FOXK1: variants seen among roughly 807,000 people sequenced by gnomAD.
The protein encoded by FOXK1 is forkhead box protein K1.
FOXK1 carries 19 observed loss-of-function variants against 51.9 expected under a neutral mutation model. The observed-to-expected ratio is 0.37, with a 90% CI of 0.26 to 0.54. FOXK1 has a LOEUF of 0.54. Among genes scored for constraint, FOXK1 ranks in the 20% least tolerant of loss-of-function variants. FOXK1 has a pLI of 0.87. For synonymous variants in FOXK1, 537 were observed against 482.6 expected (o/e 1.11, Z -1.48); for missense variants, 870 against 1,032.7 (o/e 0.84, Z 2.16).
At chr7:4,754,771 C>G in intron 3 of FOXK1, 156 bp downstream of exon 3, 1 of 980,180 alleles carries the variant, frequency 1.0e-6, no homozygotes, top group Non-Finnish European at 1.5e-6. Context: ...GTAGAGCCGT[C>G]GGCCCTTTCT....
rs1414702111 is a variant in FOXK1 at position 4,756,621 on chromosome 7, C to A, written c.1051-373C>A. Among the ~76,000 whole-genome samples, 1 of 151,804 alleles carries A rather than the reference C, an allele frequency of 6.6e-6. No individual in the cohort carries two copies. The highest frequency in any genetic ancestry group is 2.4e-5 in the African/African-American group (1 of 41,350). On this transcript the variant is annotated intron_variant, in intron 4 of 8. Coordinates refer to ENST00000328914, the MANE Select transcript of FOXK1 (RefSeq NM_001037165.2). This position sits in a 1 kb window ranked among gnomAD's most constrained non-coding sequence, Gnocchi z 4.1. ...CAACTAAAAATACAAAAAAATCAAC[C>A]CAGCATGGTGGCCCACGCCCATAGT...
rs1421445485 is a variant in FOXK1 at position 4,762,647 on chromosome 7, A to G, written c.*183A>G. ...CGCCTGCCTTCCCGTGGTTTAAGAC[A>G]AAAACACATAAACAAGTTCAGACAA... On this transcript the variant is annotated 3_prime_UTR_variant, in exon 9 of 9. Coordinates refer to ENST00000328914, the MANE Select transcript of FOXK1 (RefSeq NM_001037165.2). This position sits in a 1 kb window ranked among gnomAD's most constrained non-coding sequence, Gnocchi z 5.7. 4 of 600,846 alleles carry G rather than the reference A, an allele frequency of 6.7e-6. No individual in the cohort carries two copies. Among genetic ancestry groups the G allele is most frequent in the Non-Finnish European group, 1.2e-5 (4 of 341,108 alleles). The allele number at this position is 600,846 out of a possible 1,614,324, so 37.2% of individuals were successfully genotyped here. A position where few individuals can be genotyped will look rare whatever the true frequency, so the allele number is the denominator to read the frequency against.
chr7:4,698,600 C>T (rs914447396), intron 1 of FOXK1, among the ~76,000 whole-genome samples: 1 of 152,032 alleles, frequency 6.6e-6, no homozygotes, highest in Non-Finnish European at 1.5e-5. Context: ...CCACCCAGGC[C>T]GGAGTACAGT....
rs1360981803 is a variant in FOXK1, at chr7:4,766,635, G to A, written c.*4171G>A. The stretch of plus-strand genomic sequence containing the variant: ...GCAGGGAGGAGATGGATTCGGTGGA[G>A]TTGGGCCAGGACGGGGGCTTCACCC... On this transcript the variant is annotated 3_prime_UTR_variant, in exon 9 of 9. Transcript: ENST00000328914. The surrounding 1 kb of genome is among the most constrained non-coding windows in gnomAD (Gnocchi z 5.5). 6.6e-6 allele frequency: 1 copy of A among 152,338 alleles called. No individual in the cohort carries two copies. The highest frequency in any genetic ancestry group is 1.5e-5 in the Non-Finnish European group (1 of 68,118). 9.4% of individuals were successfully genotyped at this position (152,338 alleles called of 1,614,324 possible).
Position 4,759,180 on chromosome 7 carries a change from T to C in FOXK1, c.1374T>C (p.Ala458=), listed in dbSNP as rs778245830. The change falls in exon 6 of 9, where the codon GCT becomes GCC. Residue 458 remains alanine (A), a synonymous_variant. Coordinates refer to ENST00000328914, the MANE Select transcript of FOXK1 (RefSeq NM_001037165.2). The part of the protein sequence containing the change: ...PHDPEFGSKL[A]SVPEYRYSQS... Reference sequence around the variant, plus strand: ...ACCCTGAGTTTGGGTCCAAGTTAGCTTCTGTCCCAGAGTACCGGTATTCCC... The same window carrying C: ...ACCCTGAGTTTGGGTCCAAGTTAGCCTCTGTCCCAGAGTACCGGTATTCCC... 9.9e-6 allele frequency: 16 copies of C among 1,612,718 alleles called. No individual in the cohort carries two copies. Among genetic ancestry groups the C allele is most frequent in the Non-Finnish European group, 1.4e-5 (16 of 1,179,888 alleles).
rs777759089 is a variant in FOXK1 at position 4,722,523 on chromosome 7, G to A, written c.561-18315G>A. Among the ~76,000 whole-genome samples the A allele has an allele frequency of 6.6e-6, 1 of 152,242 alleles. No homozygotes were observed. The highest frequency in any genetic ancestry group is 1.5e-5 in the Non-Finnish European group (1 of 68,042). ...AGTGGCCTCAGCCCAGTGCCAGCGTGCTGGGACGGGTACACTCGTGCCTGT... is the reference window on the plus strand; with the variant it reads ...AGTGGCCTCAGCCCAGTGCCAGCGTACTGGGACGGGTACACTCGTGCCTGT... On this transcript the variant is annotated intron_variant, in intron 1 of 8. Transcript: ENST00000328914. The surrounding 1 kb of genome is among the most constrained non-coding windows in gnomAD (Gnocchi z 5.1).
At position 4,704,109 on chromosome 7, in the gene FOXK1, T is replaced by G. The variant is rs538557891; in HGVS notation, c.560+21241T>G. Among the ~76,000 whole-genome samples, 15 of 152,312 alleles carry G rather than the reference T, an allele frequency of 9.8e-5. No homozygotes were observed. In the South Asian group the frequency reaches 1.9e-3, roughly 19 times the overall value. ...GAAAGGGTCTACCAAGGGTACACTA[T>G]GGACATTTTTCATTTAAAGGTGAAA... On this transcript the variant is annotated intron_variant, in intron 1 of 8. Transcript: ENST00000328914.
intron 1 of FOXK1, among the ~76,000 whole-genome samples, chr7:4,700,582 G>A (rs768893840): frequency 1.8e-4 from 27 of 152,148 alleles, no homozygotes; most frequent in African/African-American, 4.6e-4. Context: ...TTGGGAGGCC[G>A]AGGTGGGAGG....
chr7:4,737,028 G>T (rs1780561105), intron 1 of FOXK1, among the ~76,000 whole-genome samples: 2 of 152,348 alleles, frequency 1.3e-5, no homozygotes, highest in South Asian at 2.1e-4. Flanking sequence ...CCAGTCCAGA[G>T]GGGGACCATG....
At position 4,762,056 on chromosome 7, in the gene FOXK1, T is replaced by C; in HGVS notation, c.1922-128T>C. On this transcript the variant is annotated intron_variant, in intron 8 of 8. Transcript: ENST00000328914. The surrounding 1 kb of genome is among the most constrained non-coding windows in gnomAD (Gnocchi z 5.7). ...GCAGGGAGCAGAGCAAGGGTAGCCG[T>C]CCTGCCTGGCAGGGGTGCACTGACC... The C allele has an allele frequency of 9.0e-7, 1 of 1,113,464 alleles. No homozygotes were observed. Among genetic ancestry groups the C allele is most frequent in the Non-Finnish European group, 1.3e-6 (1 of 791,002 alleles). The allele number at this position is 1,113,464 out of a possible 1,614,324, so 69.0% of individuals were successfully genotyped here. A position where few individuals can be genotyped will look rare whatever the true frequency, so the allele number is the denominator to read the frequency against.
At position 4,745,635 on chromosome 7, in the gene FOXK1, G is replaced by A. The variant is rs1042817892; in HGVS notation, c.746+4612G>A. Among the ~76,000 whole-genome samples, 3 of 152,188 alleles carry A rather than the reference G, an allele frequency of 2.0e-5. No individual in the cohort carries two copies. The highest frequency in any genetic ancestry group is 1.3e-4 in the Admixed American group (2 of 15,282). Reference sequence around the variant, plus strand: ...GATTTTTACAGGCCAGGCGCCCGGTGGCTCAGGCCTGTAATCCCAGCACTT... The same window carrying A: ...GATTTTTACAGGCCAGGCGCCCGGTAGCTCAGGCCTGTAATCCCAGCACTT... On this transcript the variant is annotated intron_variant, in intron 2 of 8. Transcript: ENST00000328914. This position sits in a 1 kb window ranked among gnomAD's most constrained non-coding sequence, Gnocchi z 4.3.
At chr7:4,700,720 G>A (rs142932320) in intron 1 of FOXK1, among the ~76,000 whole-genome samples, 116 of 152,186 alleles carry the variant, frequency 7.6e-4, no homozygotes, top group African/African-American at 2.7e-3. Flanking sequence ...GGAGGCTGAG[G>A]GGGAAGGATC....
chr7:4,738,170 C>T (rs1780581822), intron 1 of FOXK1, among the ~76,000 whole-genome samples: 1 of 150,472 alleles, frequency 6.6e-6, no homozygotes, highest in Admixed American at 6.6e-5. Flanking sequence ...GTCACGGTGG[C>T]TCATGCCTAT....
rs1250317515 is a variant in FOXK1, at chr7:4,741,925, T to C, written c.746+902T>C. 3.3e-5 allele frequency among the ~76,000 whole-genome samples: 5 copies of C among 152,338 alleles called. No homozygotes were observed. In the East Asian group the frequency reaches 5.8e-4, roughly 18 times the overall value. On this transcript the variant is annotated intron_variant, in intron 2 of 8. Transcript: ENST00000328914. ...GCACACAGCCCTGGCCCTGGTCCTG[T>C]CATACAGGGATGCAAAAACAGACGT...
intron 1 of FOXK1, among the ~76,000 whole-genome samples, chr7:4,727,099 C>G (rs942539440): frequency 1.3e-5 from 2 of 151,962 alleles, no homozygotes; most frequent in South Asian, 4.2e-4. Context: ...GCATGCACCA[C>G]TATGCCAGGC....
At chr7:4,706,004 GTATATA>G (rs1346149426) in intron 1 of FOXK1, among the ~76,000 whole-genome samples, 2 of 97,294 alleles carry the variant, frequency 2.1e-5, no homozygotes, top group Non-Finnish European at 3.6e-5. Flanking sequence ...GTATATATAC[GTATATA>G]TACGTATATA....
Position 4,762,259 on chromosome 7 carries a change from A to AGGT in FOXK1, c.2000_2002dup (p.Val667dup). 1 of 1,551,646 alleles carries AGGT rather than the reference A, an allele frequency of 6.4e-7. No individual in the cohort carries two copies. The highest frequency in any genetic ancestry group is 8.7e-7 in the Non-Finnish European group (1 of 1,147,234). ...CCGGTGGTGGTCACCCGGGTGTGCG[A>AGGT]GGTGGGGCCCAAGGAGCCAGCAGCA... On this transcript the variant is annotated inframe_insertion, in exon 9 of 9. Transcript: ENST00000328914. This position sits in a 1 kb window ranked among gnomAD's most constrained non-coding sequence, Gnocchi z 5.7.
Position 4,734,195 on chromosome 7 carries a change from C to T in FOXK1, c.561-6643C>T, listed in dbSNP as rs1355422651. Among the ~76,000 whole-genome samples the T allele has an allele frequency of 3.3e-5, 5 of 152,222 alleles. No homozygotes were observed. The highest frequency in any genetic ancestry group is 7.3e-5 in the Non-Finnish European group (5 of 68,038). ...CATTCCCAGAGCTCCTGAGAAGGAG[C>T]GGCTTGTGTGGGGTGACTCTATCTC... is the stretch of plus-strand genomic sequence containing the variant. On this transcript the variant is annotated intron_variant, in intron 1 of 8. Coordinates refer to ENST00000328914, the MANE Select transcript of FOXK1 (RefSeq NM_001037165.2). This position sits in a 1 kb window ranked among gnomAD's most constrained non-coding sequence, Gnocchi z 5.2.
Position 4,759,146 on chromosome 7 carries a change from T to C in FOXK1, c.1340T>C (p.Ile447Thr). The C allele has an allele frequency of 6.2e-7, 1 of 1,612,624 alleles. No homozygotes were observed. Among genetic ancestry groups the C allele is most frequent in the South Asian group, 1.1e-5 (1 of 91,086 alleles). ...PECLSREGSP[I>T]PHDPEFGSKL... ...TGCCTGTCTCGGGAGGGCTCCCCCATTCCACACGACCCTGAGTTTGGGTCC... is the reference window on the plus strand; with the variant it reads ...TGCCTGTCTCGGGAGGGCTCCCCCACTCCACACGACCCTGAGTTTGGGTCC... Residue 447 changes from isoleucine to threonine, a missense_variant, in exon 6 of 9, where the codon ATT (isoleucine) becomes ACT (threonine). This residue lies in a region of FOXK1 where 457 missense variants were observed against 510.8 expected (regional missense o/e 0.89). Coordinates refer to ENST00000328914, the MANE Select transcript of FOXK1 (RefSeq NM_001037165.2).
Sources: allele counts gnomAD v4.1 joint callset (sites outside exome capture counted in the v4.1 genomes callset), GRCh38; gene constraint gnomAD v4.1.1; regional missense constraint gnomAD v4.1.1; non-coding constraint Gnocchi (gnomAD v3.1); transcripts MANE v1.5; gene names NCBI Gene and HGNC (gene_info 2026-07-23, HGNC 2026-07-21).